The following CPED1 variants were observed in gnomAD, a reference collection of about 807,000 sequenced individuals.
CPED1 encodes cadherin-like and PC-esterase domain-containing protein 1.
CPED1 carries 114 observed loss-of-function variants against 128.2 expected under a neutral mutation model. That is an observed-to-expected ratio of 0.89 (90% CI 0.76 to 1.04). The LOEUF (loss-of-function observed/expected upper bound fraction) is 1.04. CPED1 is among the 50% of genes least tolerant of loss of function. CPED1 has a pLI of 0.00. For missense variants in CPED1, 1,211 were observed against 1,207.1 expected, an observed-to-expected ratio of 1.00 and a Z score of -0.05; for synonymous variants, 462 against 426.7, an observed-to-expected ratio of 1.08 and a Z score of -1.02.
chr7:121,000,368 T>A (rs1424827579), intron 2 of CPED1, among the ~76,000 whole-genome samples: 2 of 152,102 alleles, frequency 1.3e-5, no homozygotes, highest in African/African-American at 4.8e-5. Flanking sequence ...ACATATGGAG[T>A]TCGGAAAGAA....
intron 14 of CPED1, among the ~76,000 whole-genome samples, chr7:121,139,822 CTG>C (rs1453281601): frequency 6.6e-6 from 1 of 152,020 alleles, no homozygotes; most frequent in Non-Finnish European, 1.5e-5. Context: ...GTAGCAAATT[CTG>C]TGTTATCTTT....
Position 121,127,122 on chromosome 7 carries a change from T to C in CPED1, c.1167T>C (p.Asp389=), listed in dbSNP as rs773197452. Residue 389 remains aspartate (D), a synonymous_variant, in exon 10 of 23, where the codon GAT becomes GAC. Transcript: ENST00000310396. ...AGCATTTAAATTTTCAAGATTATGATAATATGGATTTTGAGGACCAAAATA... is the reference window on the plus strand; with the variant it reads ...AGCATTTAAATTTTCAAGATTATGACAATATGGATTTTGAGGACCAAAATA... The part of the protein sequence containing the change: ...VHEHLNFQDY[D]NMDFEDQNTE... 2.5e-6 allele frequency: 4 copies of C among 1,601,022 alleles called. No individual in the cohort carries two copies. The East Asian group carries it at 6.7e-5, about 27-fold the overall frequency.
intron 5 of CPED1, among the ~76,000 whole-genome samples, chr7:121,093,571 G>A (rs28419522): frequency 0.099 from 15,078 of 152,060 alleles, 844 homozygotes; most frequent in Middle Eastern, 0.16. Context: ...CCAGGGAGCC[G>A]TCCTCCACAG....
intron 6 of CPED1, among the ~76,000 whole-genome samples, chr7:121,098,040 T>C (rs1051979796): frequency 1.3e-5 from 2 of 152,164 alleles, no homozygotes; most frequent in African/African-American, 4.8e-5. Flanking sequence ...AAATAAACAT[T>C]TGGGTAAATT....
chr7:121,142,240 C>A (rs750959866), intron 16 of CPED1, 99 bp downstream of exon 16: 12 of 1,111,762 alleles, frequency 1.1e-5, no homozygotes, highest in African/African-American at 1.6e-5. Context: ...AATTGTATGC[C>A]TTGAAATCGA....
rs377035175 is a variant in CPED1 at position 121,189,760 on chromosome 7, T to TTATATA, written c.2056-46921_2056-46916dup. On this transcript the variant is annotated intron_variant, in intron 16 of 22. Transcript: ENST00000310396. ...TCTTATTTTACTTTCTTATGAGGTT[T>TTATATA]TATATATATATATATATATATATAT... 8.4e-3 allele frequency among the ~76,000 whole-genome samples: 397 copies of TTATATA among 47,422 alleles called. 8 individuals carry two copies. Among genetic ancestry groups the TTATATA allele is most frequent in the Middle Eastern group, 0.022 (2 of 90 alleles). The allele number at this position is 47,422 out of a possible 152,430, so 31.1% of individuals were successfully genotyped here. A position where few individuals can be genotyped will look rare whatever the true frequency, so the allele number is the denominator to read the frequency against.
chr7:121,008,367 A>C (rs139593572), intron 2 of CPED1, among the ~76,000 whole-genome samples: 1 of 152,166 alleles, frequency 6.6e-6, no homozygotes, highest in Non-Finnish European at 1.5e-5. Context: ...CATCATTGCC[A>C]GTCATTTCTT....
At chr7:121,037,370 T>A (rs1308743115) in intron 3 of CPED1, among the ~76,000 whole-genome samples, 2 of 152,198 alleles carry the variant, frequency 1.3e-5, no homozygotes, top group Non-Finnish European at 2.9e-5. Flanking sequence ...TTTCCAATTA[T>A]CCCAGCACCA....
At chr7:121,117,100 A>ATAAATATATATATAT (rs1450957943) in intron 7 of CPED1, among the ~76,000 whole-genome samples, 1 of 70,650 alleles carries the variant, frequency 1.4e-5, no homozygotes, top group African/African-American at 4.7e-5. Context: ...TATATATATA[A>ATAAATATATATATAT]ATATATATAT....
intron 4 of CPED1, among the ~76,000 whole-genome samples, chr7:121,056,957 C>A (rs1009921779): frequency 1.3e-5 from 2 of 149,040 alleles, no homozygotes; most frequent in African/African-American, 5.0e-5. Context: ...TTGAAATATA[C>A]AACACATGCT....
intron 16 of CPED1, among the ~76,000 whole-genome samples, chr7:121,196,774 G>A (rs1469955300): frequency 6.6e-6 from 1 of 151,798 alleles, no homozygotes; most frequent in Non-Finnish European, 1.5e-5. Context: ...GAATAGATGA[G>A]ACCGAATTTT....
intron 4 of CPED1, among the ~76,000 whole-genome samples, chr7:121,055,358 GA>G (rs1563007967): frequency 1.3e-5 from 2 of 151,856 alleles, no homozygotes; most frequent in Non-Finnish European, 2.9e-5. Context: ...AAAAAATAGA[GA>G]AAGTCACACA....
At chr7:121,185,554 T>A (rs1351862360) in intron 16 of CPED1, among the ~76,000 whole-genome samples, 2 of 152,160 alleles carry the variant, frequency 1.3e-5, no homozygotes, top group East Asian at 3.8e-4. Context: ...GGACATAATT[T>A]TAAGCTGTGG....
At chr7:121,096,757 T>C (rs951068618) in intron 5 of CPED1, among the ~76,000 whole-genome samples, 1 of 152,146 alleles carries the variant, frequency 6.6e-6, no homozygotes, top group Non-Finnish European at 1.5e-5. Flanking sequence ...TTAAGAGGTA[T>C]GTATGAAATA....
At chr7:121,066,618 C>A (rs567142099) in intron 5 of CPED1, among the ~76,000 whole-genome samples, 323 of 149,328 alleles carry the variant, frequency 2.2e-3, no homozygotes, top group African/African-American at 7.5e-3. Context: ...ATCTTACCCC[C>A]TCTCACAAGC....
chr7:121,143,731 T>C (rs1331264866), intron 16 of CPED1, among the ~76,000 whole-genome samples: 2 of 152,004 alleles, frequency 1.3e-5, no homozygotes, highest in South Asian at 2.1e-4. Context: ...AAGTGTGAAA[T>C]GTTTGACCAC....
At chr7:121,120,386 T>G (rs1231841650) in intron 7 of CPED1, among the ~76,000 whole-genome samples, 2 of 152,216 alleles carry the variant, frequency 1.3e-5, no homozygotes, top group African/African-American at 4.8e-5. Context: ...AATTTGCATT[T>G]CCCTAATGAT....
At position 121,036,514 on chromosome 7, in the gene CPED1, TTTTC is replaced by T. The variant is rs199524898; in HGVS notation, c.434-10365_434-10362del. On this transcript the variant is annotated intron_variant, in intron 3 of 22. Transcript: ENST00000310396. ...GTATATATATATATATATATTTTTT[TTTTC>T]TTTCTTTATCCACTCATTGATTGAT... Among the ~76,000 whole-genome samples the T allele has an allele frequency of 5.6e-3, 808 of 143,844 alleles. 1 individual carries two copies. The highest frequency in any genetic ancestry group is 8.4e-3 in the Non-Finnish European group (557 of 66,052). 94.4% of individuals were successfully genotyped at this position (143,844 alleles called of 152,430 possible). A position where few individuals can be genotyped will look rare whatever the true frequency, so the allele number is the denominator to read the frequency against.
chr7:121,147,790 G>A (rs1303818395), intron 16 of CPED1, among the ~76,000 whole-genome samples: 3 of 152,112 alleles, frequency 2.0e-5, no homozygotes, highest in Non-Finnish European at 4.4e-5. Flanking sequence ...TACTAAGGAA[G>A]GGGAAAATAG....
Sources: allele counts gnomAD v4.1 joint callset (sites outside exome capture counted in the v4.1 genomes callset), GRCh38; gene constraint gnomAD v4.1.1; transcripts MANE v1.5; gene names NCBI Gene and HGNC (gene_info 2026-07-23, HGNC 2026-07-21).